Variants in BRINP1 observed in about 807,000 individuals in gnomAD.
BRINP1 encodes the protein BMP/retinoic acid inducible neural specific 1.
A neutral mutation model predicts 72.9 loss-of-function variants in BRINP1; 17 were observed. That is an observed-to-expected ratio of 0.23 (90% confidence interval 0.16 to 0.35). The LOEUF (loss-of-function observed/expected upper bound fraction) is 0.35, where lower values mean the gene tolerates loss of function less well. Among genes scored for constraint, BRINP1 ranks in the 10% least tolerant of loss-of-function variants. BRINP1 has a pLI of 1.00. For synonymous variants in BRINP1, 418 were observed against 378.5 expected (o/e 1.10, Z -1.21); for missense variants, 850 against 1,001.6 (o/e 0.85, Z 2.04).
At chr9:119,287,317 T>G (rs1830772215) in intron 2 of BRINP1, among the ~76,000 whole-genome samples, 1 of 152,248 alleles carries the variant, frequency 6.6e-6, no homozygotes, top group African/African-American at 2.4e-5. Flanking sequence ...ATGGTTCACA[T>G]TTTTAACTTT....
At chr9:119,306,768 A>G (rs1831001546) in intron 2 of BRINP1, among the ~76,000 whole-genome samples, 1 of 152,144 alleles carries the variant, frequency 6.6e-6, no homozygotes, top group South Asian at 2.1e-4. Context: ...CACTCCCTCT[A>G]TGCTAGAGAA....
In BRINP1 at chr9:119,167,652, T is replaced by C. The variant is rs1180723415; in HGVS notation, c.1718A>G (p.Glu573Gly). ...TTCCCCGAAGGGCATGTTCCAGCCCTCCGAATGGCTCCCGCTAAAGGGGTT... is the reference window on the plus strand; with the variant it reads ...TTCCCCGAAGGGCATGTTCCAGCCCCCCGAATGGCTCCCGCTAAAGGGGTT... ...YVNPFSGSHSEGWNMPFGEFG... is the reference protein window; with the variant it reads ...YVNPFSGSHSGGWNMPFGEFG... Residue 573 changes from glutamate (E) to glycine (G), a missense_variant, in exon 8 of 8, where the codon GAG becomes GGG. Physicochemically the swap from Glu to Gly is moderately conservative, Grantham distance 98. Transcript: ENST00000265922. This position sits in a 1 kb window ranked among gnomAD's most constrained non-coding sequence, Gnocchi z 4.3. 2 of 1,613,946 alleles carry C rather than the reference T, an allele frequency of 1.2e-6. No individual in the cohort carries two copies. The highest frequency in any genetic ancestry group is 1.7e-5 in the Admixed American group (1 of 60,000).
intron 6 of BRINP1, among the ~76,000 whole-genome samples, chr9:119,211,235 T>C (rs576408119): frequency 1.3e-5 from 2 of 152,092 alleles, no homozygotes; most frequent in African/African-American, 4.8e-5. Flanking sequence ...TCCACTCTTA[T>C]TGCCCAGGCT....
At chr9:119,355,572 CA>C (rs911948269) in intron 1 of BRINP1, among the ~76,000 whole-genome samples, 15 of 151,836 alleles carry the variant, frequency 9.9e-5, no homozygotes, top group Admixed American at 9.2e-4. Context: ...AATAAAAACA[CA>C]AAAAAATTAG....
At chr9:119,310,511 A>T (rs924011332) in intron 2 of BRINP1, among the ~76,000 whole-genome samples, 3 of 152,208 alleles carry the variant, frequency 2.0e-5, no homozygotes, top group African/African-American at 7.2e-5. Flanking sequence ...CTCTGTGTAC[A>T]AATGCAGGAG....
chr9:119,327,639 T>C (rs1441407883), intron 1 of BRINP1, among the ~76,000 whole-genome samples: 2 of 152,168 alleles, frequency 1.3e-5, no homozygotes, highest in African/African-American at 4.8e-5. Context: ...GAACAAGACA[T>C]CTTGTATTAG....
chr9:119,206,913 A>G (rs755333733), intron 7 of BRINP1, among the ~76,000 whole-genome samples: 1 of 152,224 alleles, frequency 6.6e-6, no homozygotes, highest in Non-Finnish European at 1.5e-5. Flanking sequence ...TCCCTGCTTC[A>G]GCAGCATTGC....
chr9:119,298,092 G>A (rs547855422), intron 2 of BRINP1, among the ~76,000 whole-genome samples: 5 of 152,282 alleles, frequency 3.3e-5, no homozygotes, highest in African/African-American at 9.6e-5. Flanking sequence ...CTAACAGTCC[G>A]TCTCCAATAT....
intron 2 of BRINP1, among the ~76,000 whole-genome samples, chr9:119,301,331 T>C (rs1238560282): frequency 6.6e-6 from 1 of 152,224 alleles, no homozygotes; most frequent in Admixed American, 6.5e-5. Context: ...GTTTTGCCAG[T>C]CTCCTTGCCT....
At position 119,325,863 on chromosome 9, in the gene BRINP1, G is replaced by T. The variant is rs145713337; in HGVS notation, c.-50-12458C>A. ...CCACACCCCATCCTCAACTCATCTT[G>T]TTCTCCAGATTCTCTCCCCAATTGC... On this transcript the variant is annotated intron_variant, in intron 1 of 7. Transcript: ENST00000265922. Among the ~76,000 whole-genome samples, 4 of 152,176 alleles carry T rather than the reference G, an allele frequency of 2.6e-5. No individual in the cohort carries two copies. The East Asian group carries it at 7.7e-4, about 29-fold the overall frequency.
intron 2 of BRINP1, among the ~76,000 whole-genome samples, chr9:119,254,112 C>T (rs545526204): frequency 1.4e-4 from 22 of 152,216 alleles, no homozygotes; most frequent in South Asian, 1.0e-3. Flanking sequence ...ATTACATATT[C>T]GAAATTTGAG....
chr9:119,181,839 A>T (rs1455827940), intron 7 of BRINP1, among the ~76,000 whole-genome samples: 3 of 152,234 alleles, frequency 2.0e-5, no homozygotes, highest in Non-Finnish European at 4.4e-5. Context: ...CTCATTATTT[A>T]ACCTTGAGTT....
At chr9:119,210,638 A>G (rs762372873) in intron 6 of BRINP1, among the ~76,000 whole-genome samples, 2 of 151,976 alleles carry the variant, frequency 1.3e-5, no homozygotes, top group Non-Finnish European at 2.9e-5. Context: ...CCCGAGGCTC[A>G]GTACATTAGG....
intron 2 of BRINP1, among the ~76,000 whole-genome samples, chr9:119,266,555 G>T (rs1167500089): frequency 6.6e-6 from 1 of 152,144 alleles, no homozygotes; most frequent in African/African-American, 2.4e-5. Flanking sequence ...AAAATGTACA[G>T]TACTCAATCA....
chr9:119,333,390 G>C (rs1052548445), intron 1 of BRINP1, among the ~76,000 whole-genome samples: 1 of 150,408 alleles, frequency 6.6e-6, no homozygotes, highest in Non-Finnish European at 1.5e-5. Context: ...TTGAGCCTGG[G>C]AGGCAGAGGC....
intron 1 of BRINP1, among the ~76,000 whole-genome samples, chr9:119,362,118 G>T (rs1164960419): frequency 2.2e-5 from 3 of 137,902 alleles, no homozygotes; most frequent in African/African-American, 8.2e-5. Context: ...ATGCCTGACT[G>T]CAACATTTTC....
At chr9:119,223,732 C>T (rs924016847) in intron 5 of BRINP1, among the ~76,000 whole-genome samples, 2 of 152,068 alleles carry the variant, frequency 1.3e-5, no homozygotes, top group African/African-American at 4.8e-5. Flanking sequence ...TCTCTACAGC[C>T]ATCCCTCATT....
chr9:119,365,425 T>C (rs969550547), intron 1 of BRINP1, among the ~76,000 whole-genome samples: 17 of 152,260 alleles, frequency 1.1e-4, no homozygotes, highest in African/African-American at 4.1e-4. Flanking sequence ...AGCAGCCAAT[T>C]TGTTAAGCTT....
chr9:119,268,798 G>A (rs1024903997), intron 2 of BRINP1, among the ~76,000 whole-genome samples: 5 of 152,114 alleles, frequency 3.3e-5, no homozygotes, highest in Admixed American at 6.5e-5. Flanking sequence ...GCACTTAGTA[G>A]GTGCTCAATA....
Sources: gnomAD v4.1 joint callset for allele counts (sites outside exome capture counted in the v4.1 genomes callset) on GRCh38, gnomAD v4.1.1 for gene constraint, Gnocchi (gnomAD v3.1) non-coding constraint, MANE v1.5 for transcripts, NCBI Gene and HGNC (gene_info 2026-07-23, HGNC 2026-07-21) for gene names.